Variants in HPCAL4 observed in about 807,000 individuals in gnomAD.
HPCAL4 encodes hippocalcin-like protein 4.
Under a neutral mutation model 18.2 loss-of-function variants are expected in HPCAL4, and 16 were observed. The observed-to-expected ratio is 0.88, with a 90% confidence interval of 0.59 to 1.33. The LOEUF is 1.33. Ranked by LOEUF, HPCAL4 falls within the 40% of genes most tolerant of loss-of-function variation. The probability of loss-of-function intolerance (pLI) is 0.00; values close to 1 mark genes in which losing one functional copy is unlikely to be tolerated. For synonymous variants in HPCAL4, 80 were observed against 97.5 expected (o/e 0.82, Z 1.06); for missense variants, 214 against 256.6 (o/e 0.83, Z 1.14).
At chr1:39,685,536 C>T (rs1179868244) in intron 1 of HPCAL4, among the ~76,000 whole-genome samples, 1 of 152,040 alleles carries the variant, frequency 6.6e-6, no homozygotes, top group Non-Finnish European at 1.5e-5. Context: ...GAGTTTGAGA[C>T]CAGCCTAGGC....
chr1:39,683,377 C>T (rs1379125017), intron 3 of HPCAL4, among the ~76,000 whole-genome samples: 1 of 152,200 alleles, frequency 6.6e-6, no homozygotes, highest in African/African-American at 2.4e-5. Flanking sequence ...GAAAGGCCGA[C>T]CTGCCTTAAT....
intron 1 of HPCAL4, among the ~76,000 whole-genome samples, chr1:39,684,996 G>C (rs1646661789): frequency 1.3e-5 from 2 of 152,204 alleles, no homozygotes; most frequent in South Asian, 4.1e-4. Flanking sequence ...CCTGAGAAGG[G>C]ACCCAAGGTA....
chr1:39,682,543 T>G lies in HPCAL4; in HGVS notation c.569A>C (p.Gln190Pro). 1 of 1,614,240 alleles carries G rather than the reference T, an allele frequency of 6.2e-7. No homozygotes were observed. The highest frequency in any genetic ancestry group is 1.1e-5 in the South Asian group (1 of 91,082). The change falls in exon 4 of 4, where the codon CAG (glutamine) becomes CCG (proline). Residue 190 changes from glutamine to proline, a missense_variant. Transcript: ENST00000372844. Reference protein sequence around the residue: ...SIVLLLQCDMQK With the variant: ...SIVLLLQCDMPK ...CCTGCCCCTCACCAGCTTCTACTTCTGCATGTCACACTGCAGCAGCAACAC... is the reference window on the plus strand; with the variant it reads ...CCTGCCCCTCACCAGCTTCTACTTCGGCATGTCACACTGCAGCAGCAACAC...
intron 3 of HPCAL4, among the ~76,000 whole-genome samples, chr1:39,683,006 C>T (rs1201724441): frequency 6.6e-6 from 1 of 152,074 alleles, no homozygotes; most frequent in African/African-American, 2.4e-5. Flanking sequence ...GCTTCAGCCT[C>T]CTGAGTAGCT....
At chr1:39,682,772 A>C (rs200386179) in intron 3 of HPCAL4, 39 bp from the exon 4 acceptor site, 3 of 1,572,092 alleles carry the variant, frequency 1.9e-6, no homozygotes, top group Non-Finnish European at 2.6e-6. Flanking sequence ...AACACCCACA[A>C]GGGGCCCCGA....
chr1:39,689,218 T>C (rs1318841668), intron 1 of HPCAL4, among the ~76,000 whole-genome samples: 7 of 152,138 alleles, frequency 4.6e-5, no homozygotes, highest in African/African-American at 1.7e-4. Flanking sequence ...TAGTCCTCAC[T>C]GAGTCTGGGA....
In HPCAL4 at chr1:39,679,702, T is replaced by C. The variant is rs1646608591; in HGVS notation, c.*2834A>G. 6.6e-6 allele frequency: 1 copy of C among 152,252 alleles called. No homozygotes were observed. Among genetic ancestry groups the C allele is most frequent in the Admixed American group, 6.5e-5 (1 of 15,278 alleles). 9.4% of individuals were successfully genotyped at this position (152,252 alleles called of 1,614,324 possible). On this transcript the variant is annotated 3_prime_UTR_variant, in exon 4 of 4. Transcript: ENST00000372844. ...AGGCAGGGCCAGTGCTCTACCACAG[T>C]GCTCCTGAGCACACAGTCCCTGGGA...
chr1:39,689,814 A>G (rs785114), intron 1 of HPCAL4, among the ~76,000 whole-genome samples: 135,172 of 152,280 alleles, frequency 0.89, 60,193 homozygotes, highest in East Asian at 1. Flanking sequence ...AGGAGCTGGT[A>G]CTGAGGTGGT....
At chr1:39,690,816 C>A (rs1401670334) in intron 1 of HPCAL4, among the ~76,000 whole-genome samples, 2 of 151,410 alleles carry the variant, frequency 1.3e-5, no homozygotes, top group Non-Finnish European at 2.9e-5. Flanking sequence ...GGAGGGAGCG[C>A]TCTGTGGAGG....
rs1459876636 is a variant in HPCAL4, at chr1:39,682,523, C to G, written c.*13G>C. 6.2e-7 allele frequency: 1 copy of G among 1,613,958 alleles called. No homozygotes were observed. The highest frequency in any genetic ancestry group is 8.5e-7 in the Non-Finnish European group (1 of 1,179,912). On this transcript the variant is annotated 3_prime_UTR_variant, in exon 4 of 4. Transcript: ENST00000372844. ...TGCCCCTTCTGGCCAGGGACCCTGC[C>G]CCTCACCAGCTTCTACTTCTGCATG...
intron 3 of HPCAL4, 25 bp downstream of exon 3, chr1:39,683,912 C>T (rs1490749224): frequency 1.2e-6 from 2 of 1,601,802 alleles, no homozygotes; most frequent in African/African-American, 2.7e-5. Context: ...GCCTCGGGAA[C>T]AGCAGCGCCC....
chr1:39,688,902 C>T lies in HPCAL4; in HGVS notation c.-9+2404G>A, dbSNP rs990020093. On this transcript the variant is annotated intron_variant, in intron 1 of 3. Coordinates refer to ENST00000372844, the MANE Select transcript of HPCAL4 (RefSeq NM_016257.4). ...GTCTGGACAGTGGAGAGTCAGCAGCCCAAGCTCAGCACTTTGGGCATGAGT... is the reference window on the plus strand; with the variant it reads ...GTCTGGACAGTGGAGAGTCAGCAGCTCAAGCTCAGCACTTTGGGCATGAGT... Among the ~76,000 whole-genome samples, 4 of 152,162 alleles carry T rather than the reference C, an allele frequency of 2.6e-5. No individual in the cohort carries two copies. In the East Asian group the frequency reaches 7.7e-4, roughly 29 times the overall value.
intron 1 of HPCAL4, among the ~76,000 whole-genome samples, chr1:39,690,717 G>C (rs1646711216): frequency 6.6e-6 from 1 of 152,058 alleles, no homozygotes; most frequent in Non-Finnish European, 1.5e-5. Flanking sequence ...GAGAAAAACT[G>C]GGGAAGGGGG....
intron 1 of HPCAL4, among the ~76,000 whole-genome samples, chr1:39,690,257 A>G (rs757682124): frequency 1.3e-5 from 2 of 152,156 alleles, no homozygotes; most frequent in Non-Finnish European, 2.9e-5. Context: ...CATCTCACCC[A>G]GTCTACCCTC....
Position 39,682,677 on chromosome 1 carries a change from G to A in HPCAL4, c.435C>T (p.Leu145=). Residue 145 remains leucine (L), a synonymous_variant, in exon 4 of 4, where the codon CTC becomes CTT. Transcript: ENST00000372844. ...VIMMRMNQDG[L]TPQQRVDKIF... ...TCTTGTCCACACGCTGCTGGGGCGTGAGCCCGTCCTGGTTCATGCGCATCA... is the reference window on the plus strand; with the variant it reads ...TCTTGTCCACACGCTGCTGGGGCGTAAGCCCGTCCTGGTTCATGCGCATCA... 1.9e-6 allele frequency: 3 copies of A among 1,614,236 alleles called. No individual in the cohort carries two copies. Among genetic ancestry groups the A allele is most frequent in the Non-Finnish European group, 2.5e-6 (3 of 1,180,046 alleles).
chr1:39,683,041 G>T (rs1646640815), intron 3 of HPCAL4, among the ~76,000 whole-genome samples: 1 of 152,008 alleles, frequency 6.6e-6, no homozygotes, highest in South Asian at 2.1e-4. Flanking sequence ...GCACCAACAC[G>T]TCCCGCTAAT....
At position 39,691,381 on chromosome 1, in the gene HPCAL4, G is replaced by T. The variant is rs973622973; in HGVS notation, c.-84C>A. The stretch of plus-strand genomic sequence containing the variant: ...GGGAACCGAGGCTGGCTCGCGGGCC[G>T]GCAGCTGTGCTCTCCAAGGTCTGCG... On this transcript the variant is annotated 5_prime_UTR_variant, in exon 1 of 4. Transcript: ENST00000372844. 1.3e-5 allele frequency: 2 copies of T among 152,276 alleles called. No individual in the cohort carries two copies. The highest frequency in any genetic ancestry group is 2.9e-5 in the Non-Finnish European group (2 of 68,080). 9.4% of individuals were successfully genotyped at this position (152,276 alleles called of 1,614,324 possible).
chr1:39,688,537 C>T (rs1160421834), intron 1 of HPCAL4, among the ~76,000 whole-genome samples: 1 of 152,098 alleles, frequency 6.6e-6, no homozygotes, highest in African/African-American at 2.4e-5. Context: ...GGCTTCCCTG[C>T]CTGGCAGGAA....
chr1:39,683,666 C>T (rs188383853), intron 3 of HPCAL4, among the ~76,000 whole-genome samples: 1 of 152,360 alleles, frequency 6.6e-6, no homozygotes, highest in Admixed American at 6.5e-5. Context: ...GAGTTGAAAA[C>T]ATCAGCTATG....
Sources: gnomAD v4.1 joint callset for allele counts (sites outside exome capture counted in the v4.1 genomes callset) on GRCh38, gnomAD v4.1.1 for gene constraint, MANE v1.5 for transcripts, NCBI Gene and HGNC (gene_info 2026-07-23, HGNC 2026-07-21) for gene names.